Variants in ELAPOR2 observed in about 807,000 individuals in gnomAD.
ELAPOR2 encodes the protein endosome/lysosome-associated apoptosis and autophagy regulator family member 2.
In ELAPOR2, 89 loss-of-function variants were observed where a neutral mutation model predicts 120.7. That is an observed-to-expected ratio of 0.74 (90% CI 0.62 to 0.88). The LOEUF is 0.88. ELAPOR2 is among the 40% of genes least tolerant of loss of function. The probability of loss-of-function intolerance (pLI) is 0.00; values close to 1 mark genes in which losing one functional copy is unlikely to be tolerated. For synonymous variants in ELAPOR2, 444 were observed against 444.9 expected (o/e 1.00, Z 0.03); for missense variants, 1,134 against 1,251.6 (o/e 0.91, Z 1.42).
chr7:86,931,269 C>G (rs911915195), intron 8 of ELAPOR2, among the ~76,000 whole-genome samples: 1 of 151,772 alleles, frequency 6.6e-6, no homozygotes, highest in African/African-American at 2.4e-5. Context: ...GAAGAGAGTA[C>G]GTTCACAAAT....
At position 86,964,968 on chromosome 7, in the gene ELAPOR2, A is replaced by C; in HGVS notation, c.246T>G (p.Val82=). 1 of 1,551,554 alleles carries C rather than the reference A, an allele frequency of 6.4e-7. No homozygotes were observed. The highest frequency in any genetic ancestry group is 8.7e-7 in the Non-Finnish European group (1 of 1,146,832). The part of the protein sequence containing the change: ...ECDSSGSRWR[V]AIPNSAVDCS... ...AGTCCACTGCAGAATTTGGAATGGCAACTCTCCACCTGGAGCCACTGCTAT... is the reference window on the plus strand; with the variant it reads ...AGTCCACTGCAGAATTTGGAATGGCCACTCTCCACCTGGAGCCACTGCTAT... The change falls in exon 2 of 22, where the codon GTT becomes GTG. Residue 82 remains valine (V), a synonymous_variant. Transcript: ENST00000450689.
At chr7:86,961,402 G>T (rs1005833915) in intron 2 of ELAPOR2, among the ~76,000 whole-genome samples, 8 of 152,196 alleles carry the variant, frequency 5.3e-5, no homozygotes, top group African/African-American at 1.9e-4. Context: ...CCAAATAAGA[G>T]AATATAAAAG....
chr7:86,892,875 A>G, intron 20 of ELAPOR2, 47 bp downstream of exon 20: 1 of 1,403,150 alleles, frequency 7.1e-7, no homozygotes, highest in Non-Finnish European at 9.3e-7. Context: ...TTTTCACAAC[A>G]AAATAGGCCC....
intron 8 of ELAPOR2, among the ~76,000 whole-genome samples, chr7:86,931,982 A>ATTACAGTTTG (rs1790348757): frequency 6.6e-6 from 1 of 151,920 alleles, no homozygotes; most frequent in Non-Finnish European, 1.5e-5. Flanking sequence ...GGAACTGAGA[A>ATTACAGTTTG]TTACAGTTTG....
At chr7:86,984,032 G>C (rs973460251) in intron 1 of ELAPOR2, among the ~76,000 whole-genome samples, 4 of 152,050 alleles carry the variant, frequency 2.6e-5, no homozygotes, top group African/African-American at 7.2e-5. Context: ...CAAAAAGCAG[G>C]GGTTGCAATC....
intron 2 of ELAPOR2, among the ~76,000 whole-genome samples, chr7:86,949,626 C>T (rs1380165395): frequency 6.6e-6 from 1 of 152,176 alleles, no homozygotes; most frequent in African/African-American, 2.4e-5. Context: ...ACCCCTTCCC[C>T]CACAGGCTTG....
At chr7:86,894,505 T>C (rs1411804020) in intron 19 of ELAPOR2, among the ~76,000 whole-genome samples, 2 of 152,006 alleles carry the variant, frequency 1.3e-5, no homozygotes, top group Non-Finnish European at 2.9e-5. Flanking sequence ...AACAGCAAGC[T>C]CTACTGTCTG....
chr7:86,907,862 A>G, intron 17 of ELAPOR2, 91 bp from the exon 18 acceptor site: 1 of 612,892 alleles, frequency 1.6e-6, no homozygotes, highest in Non-Finnish European at 2.7e-6. Context: ...AGACTTCATG[A>G]ACAAATGAAA....
At chr7:86,892,512 G>A (rs139195786) in intron 20 of ELAPOR2, among the ~76,000 whole-genome samples, 32 of 152,082 alleles carry the variant, frequency 2.1e-4, no homozygotes, top group Admixed American at 4.6e-4. Flanking sequence ...TATACACTAG[G>A]TCTGGTTTTT....
rs142371175 is a variant in ELAPOR2, at chr7:86,882,655, C to T, written c.3031-2125G>A. ...CTATATCTCATTCATTGTTTAATTC[C>T]TAAGATATGACCCAAGTCCTACCAC... On this transcript the variant is annotated intron_variant, in intron 21 of 21. Coordinates refer to ENST00000450689, the MANE Select transcript of ELAPOR2 (RefSeq NM_001142749.3). 7.5e-4 allele frequency among the ~76,000 whole-genome samples: 114 copies of T among 152,134 alleles called. 1 individual carries two copies. Among genetic ancestry groups the T allele is most frequent in the African/African-American group, 2.5e-3 (104 of 41,500 alleles).
intron 1 of ELAPOR2, among the ~76,000 whole-genome samples, chr7:86,977,916 G>A (rs537255849): frequency 3.9e-5 from 6 of 152,226 alleles, no homozygotes; most frequent in African/African-American, 9.6e-5. Flanking sequence ...GAGAAAATTA[G>A]AAAATATGGA....
chr7:86,988,558 T>C (rs891725819), intron 1 of ELAPOR2, among the ~76,000 whole-genome samples: 1 of 152,154 alleles, frequency 6.6e-6, no homozygotes, highest in African/African-American at 2.4e-5. Flanking sequence ...TGGAGGATAT[T>C]GGTATCTACT....
In ELAPOR2 at chr7:86,940,023, AT is replaced by A; in HGVS notation, c.833del (p.Asn278IlefsTer47). On this transcript the variant is annotated frameshift_variant, in exon 6 of 22. Transcript: ENST00000450689. LOFTEE classifies it high-confidence loss of function. ...GCCATGAAATACCTTCAATTGTGAT[AT>A]TTTTTACCAGCACAGGCTTGACCGC... Reference protein sequence around the residue: ...SKAVKPVLVKNITIEGVAYTS... With the variant: ...SKAVKPVLVKXITIEGVAYTS... 6.2e-7 allele frequency: 1 copy of A among 1,603,000 alleles called. No homozygotes were observed. The highest frequency in any genetic ancestry group is 8.5e-7 in the Non-Finnish European group (1 of 1,172,188).
Position 87,047,983 on chromosome 7 carries a change from T to G in ELAPOR2, c.189+11342A>C, listed in dbSNP as rs1271391755. On this transcript the variant is annotated intron_variant, in intron 1 of 21. Transcript: ENST00000450689. ...TGGTACGGCTGGGTGCGGTGGCTCA[T>G]GCCTGTAATCCCAGAACTTTGGGAG... is the stretch of plus-strand genomic sequence containing the variant. 6.6e-5 allele frequency among the ~76,000 whole-genome samples: 10 copies of G among 152,224 alleles called. No individual in the cohort carries two copies. In the South Asian group the frequency reaches 2.1e-3, roughly 32 times the overall value.
intron 1 of ELAPOR2, among the ~76,000 whole-genome samples, chr7:87,031,656 T>C (rs986796562): frequency 2.0e-5 from 3 of 152,220 alleles, no homozygotes; most frequent in African/African-American, 7.2e-5. Context: ...CACTTACATG[T>C]TTAGACTGCT....
chr7:86,930,679 A>C (rs886231010), intron 8 of ELAPOR2, among the ~76,000 whole-genome samples: 3 of 151,940 alleles, frequency 2.0e-5, no homozygotes, highest in African/African-American at 7.2e-5. Context: ...CCTTCGAAGA[A>C]GGCTCCCTTT....
At chr7:87,041,186 G>A (rs568960522) in intron 1 of ELAPOR2, among the ~76,000 whole-genome samples, 31 of 152,170 alleles carry the variant, frequency 2.0e-4, no homozygotes, top group African/African-American at 6.5e-4. Context: ...TGGAAAACAC[G>A]TTGCAGGATG....
At chr7:87,030,151 G>C (rs1334211496) in intron 1 of ELAPOR2, among the ~76,000 whole-genome samples, 1 of 152,172 alleles carries the variant, frequency 6.6e-6, no homozygotes, top group East Asian at 1.9e-4. Flanking sequence ...GTCATAGAGA[G>C]TGCAGAACTC....
chr7:86,917,353 G>T (rs974453359), intron 12 of ELAPOR2, among the ~76,000 whole-genome samples: 4 of 152,016 alleles, frequency 2.6e-5, no homozygotes, highest in African/African-American at 9.7e-5. Flanking sequence ...GGAGGCAGAG[G>T]TTGCAGTGAG....
Sources: gnomAD v4.1 joint callset for allele counts (sites outside exome capture counted in the v4.1 genomes callset) on GRCh38, gnomAD v4.1.1 for gene constraint, MANE v1.5 for transcripts, NCBI Gene and HGNC (gene_info 2026-07-23, HGNC 2026-07-21) for gene names.